PITPNB: variants seen among roughly 807,000 people sequenced by gnomAD.
PITPNB encodes phosphatidylinositol transfer protein beta isoform.
In PITPNB, 16 loss-of-function variants were observed where a neutral mutation model predicts 45.9. The ratio of observed to expected loss-of-function variants is 0.35; its 90% CI spans 0.24 to 0.53. The LOEUF is 0.53. Ranked by LOEUF, PITPNB falls within the 20% of genes least tolerant of loss-of-function variation. The pLI is 0.93. For missense variants in PITPNB, 188 were observed against 330.5 expected, an observed-to-expected ratio of 0.57 and a Z score of 3.34; for synonymous variants, 112 against 108.9, an observed-to-expected ratio of 1.03 and a Z score of -0.18.
At chr22:27,861,965 C>G (rs1249984321) in intron 8 of PITPNB, among the ~76,000 whole-genome samples, 1 of 152,164 alleles carries the variant, frequency 6.6e-6, no homozygotes, top group African/African-American at 2.4e-5. Flanking sequence ...CACTGCAACA[C>G]GACGGGGACC....
At chr22:27,895,746 A>G (rs1368558288) in intron 6 of PITPNB, among the ~76,000 whole-genome samples, 1 of 152,206 alleles carries the variant, frequency 6.6e-6, no homozygotes, top group Non-Finnish European at 1.5e-5. Flanking sequence ...AATTTGCCAC[A>G]ATCATTAACC....
At chr22:27,858,582 G>T in intron 9 of PITPNB, 73 bp from the exon 10 acceptor site, 1 of 1,176,704 alleles carries the variant, frequency 8.5e-7, no homozygotes, top group Non-Finnish European at 1.2e-6. Flanking sequence ...AACTTTACAT[G>T]TTCCAATTAA....
At chr22:27,882,583 A>G (rs1935003612) in intron 7 of PITPNB, among the ~76,000 whole-genome samples, 1 of 152,256 alleles carries the variant, frequency 6.6e-6, no homozygotes, top group African/African-American at 2.4e-5. Flanking sequence ...AGCTGCTCAG[A>G]AACAGTTTAG....
At chr22:27,875,063 G>A (rs955630526) in intron 7 of PITPNB, among the ~76,000 whole-genome samples, 1 of 152,222 alleles carries the variant, frequency 6.6e-6, no homozygotes, top group African/African-American at 2.4e-5. Context: ...AAGTGCATAT[G>A]CCATGTTAGT....
chr22:27,863,360 A>C (rs868196338), intron 8 of PITPNB, among the ~76,000 whole-genome samples: 1 of 152,190 alleles, frequency 6.6e-6, no homozygotes, highest in South Asian at 2.1e-4. Flanking sequence ...GGATTGGTCT[A>C]GGGCTGTAGG....
At position 27,858,104 on chromosome 22, in the gene PITPNB, C is replaced by G. The variant is rs1020514110; in HGVS notation, c.768+283G>C. On this transcript the variant is annotated intron_variant, in intron 10 of 11. Coordinates refer to ENST00000335272, the MANE Select transcript of PITPNB (RefSeq NM_012399.5). ...CAGGAACCAGCCTACAGAACTAAAG[C>G]TAGTGTGTAAGAAAGAATACAGAAC... 2.0e-5 allele frequency among the ~76,000 whole-genome samples: 3 copies of G among 152,298 alleles called. No homozygotes were observed. In the South Asian group the frequency reaches 6.2e-4, roughly 32 times the overall value.
intron 2 of PITPNB, 74 bp downstream of exon 2, chr22:27,914,243 A>C (rs1936014162): frequency 1.1e-6 from 1 of 882,210 alleles, no homozygotes; most frequent in Non-Finnish European, 1.9e-6. Context: ...TACTACGAAA[A>C]TGTGAGTTTA....
chr22:27,860,783 A>G (rs954149321), intron 8 of PITPNB, among the ~76,000 whole-genome samples: 1 of 152,230 alleles, frequency 6.6e-6, no homozygotes, highest in African/African-American at 2.4e-5. Context: ...AATCCTATAC[A>G]TACAGACTTC....
intron 3 of PITPNB, among the ~76,000 whole-genome samples, chr22:27,899,357 C>T (rs554043467): frequency 1.3e-5 from 2 of 152,314 alleles, no homozygotes; most frequent in South Asian, 4.1e-4. Flanking sequence ...CGGAGTCTCA[C>T]TCTGTTGCCC....
chr22:27,915,268 T>C (rs560434472), intron 1 of PITPNB, among the ~76,000 whole-genome samples: 1 of 152,222 alleles, frequency 6.6e-6, no homozygotes, highest in Non-Finnish European at 1.5e-5. Context: ...TGTCATTTTA[T>C]GGAAAATTTT....
chr22:27,857,838 T>G (rs1439939497), intron 10 of PITPNB, among the ~76,000 whole-genome samples: 3 of 152,186 alleles, frequency 2.0e-5, no homozygotes, highest in African/African-American at 7.2e-5. Flanking sequence ...AACTGTGGCA[T>G]GCTGACCTCC....
intron 8 of PITPNB, among the ~76,000 whole-genome samples, chr22:27,864,085 CAACTA>C (rs1312314637): frequency 6.6e-6 from 1 of 152,090 alleles, no homozygotes; most frequent in Admixed American, 6.6e-5. Flanking sequence ...AAAAAACAAA[CAACTA>C]AACAGCCTGC....
intron 1 of PITPNB, among the ~76,000 whole-genome samples, chr22:27,915,311 C>A (rs1569038350): frequency 6.6e-6 from 1 of 151,996 alleles, no homozygotes; most frequent in Admixed American, 6.6e-5. Context: ...TTCTTTTCAG[C>A]TTATAATTTC....
intron 8 of PITPNB, among the ~76,000 whole-genome samples, chr22:27,872,486 G>C (rs1435703249): frequency 6.6e-6 from 1 of 152,156 alleles, no homozygotes; most frequent in Non-Finnish European, 1.5e-5. Flanking sequence ...GGAGAATTCT[G>C]AACTAAACTC....
chr22:27,918,278 A>G (rs1487512317), intron 1 of PITPNB, among the ~76,000 whole-genome samples: 1 of 152,204 alleles, frequency 6.6e-6, no homozygotes, highest in East Asian at 1.9e-4. Context: ...AATTAAGCCA[A>G]AAATATTTCT....
At chr22:27,878,847 T>G (rs1346876819) in intron 7 of PITPNB, among the ~76,000 whole-genome samples, 2 of 152,192 alleles carry the variant, frequency 1.3e-5, no homozygotes, top group Admixed American at 1.3e-4. Context: ...GTCAATAACT[T>G]GTTGGCCTAG....
intron 2 of PITPNB, among the ~76,000 whole-genome samples, chr22:27,913,238 A>T (rs1473313996): frequency 6.6e-6 from 1 of 152,142 alleles, no homozygotes; most frequent in Non-Finnish European, 1.5e-5. Flanking sequence ...GATATAAACA[A>T]CTGTGTTCAA....
intron 10 of PITPNB, among the ~76,000 whole-genome samples, chr22:27,857,593 G>C (rs1934209063): frequency 6.6e-6 from 1 of 152,318 alleles, no homozygotes; most frequent in Admixed American, 6.5e-5. Flanking sequence ...CCTGCTGGCA[G>C]GACTCGAGAT....
intron 8 of PITPNB, among the ~76,000 whole-genome samples, chr22:27,862,072 G>A (rs1315821291): frequency 6.6e-6 from 1 of 152,046 alleles, no homozygotes; most frequent in Non-Finnish European, 1.5e-5. Context: ...ACACGGTGGT[G>A]CCCAGACTTC....
Sources: gnomAD v4.1 joint callset for allele counts (sites outside exome capture counted in the v4.1 genomes callset) on GRCh38, gnomAD v4.1.1 for gene constraint, MANE v1.5 for transcripts, NCBI Gene and HGNC (gene_info 2026-07-23, HGNC 2026-07-21) for gene names.